Variants in PSMA1 observed in about 807,000 individuals in gnomAD.
PSMA1 encodes proteasome 20S subunit alpha 1.
Under a neutral mutation model 38.4 loss-of-function variants are expected in PSMA1, and 3 were observed. The ratio of observed to expected loss-of-function variants is 0.08; its 90% CI spans 0.04 to 0.20. The LOEUF (loss-of-function observed/expected upper bound fraction) is 0.20. PSMA1 is among the 10% of genes least tolerant of loss of function. PSMA1 has a pLI of 1.00. For missense variants in PSMA1, 227 were observed against 325.3 expected, an observed-to-expected ratio of 0.70 and a Z score of 2.32; for synonymous variants, 101 against 107.1, an observed-to-expected ratio of 0.94 and a Z score of 0.35.
chr11:14,579,073 T>G (rs1852252309), intron 2 of PSMA1, among the ~76,000 whole-genome samples: 1 of 152,238 alleles, frequency 6.6e-6, no homozygotes, highest in Admixed American at 6.5e-5. Context: ...CTTTGGAAAC[T>G]GTCTCCTCTC....
At chr11:14,556,469 T>A (rs1048718888) in intron 2 of PSMA1, among the ~76,000 whole-genome samples, 3 of 152,198 alleles carry the variant, frequency 2.0e-5, no homozygotes, top group Admixed American at 2.0e-4. Context: ...TGTTTCATGA[T>A]GATACACCTT....
chr11:14,544,771 A>G (rs1851808430), intron 2 of PSMA1, among the ~76,000 whole-genome samples: 1 of 152,224 alleles, frequency 6.6e-6, no homozygotes, highest in Non-Finnish European at 1.5e-5. Context: ...ACAGTCACGC[A>G]GTTCTTCAAA....
chr11:14,586,009 T>C (rs894539869), intron 2 of PSMA1, among the ~76,000 whole-genome samples: 3 of 152,226 alleles, frequency 2.0e-5, no homozygotes, highest in African/African-American at 7.2e-5. Flanking sequence ...TTTACAATCT[T>C]GCCACCTGGA....
intron 1 of PSMA1, among the ~76,000 whole-genome samples, chr11:14,618,354 A>G (rs1852801404): frequency 6.6e-6 from 1 of 152,210 alleles, no homozygotes; most frequent in South Asian, 2.1e-4. Flanking sequence ...AGCCTGTCAA[A>G]TTGCCCTGAT....
At chr11:14,562,197 C>G (rs1476911721) in intron 2 of PSMA1, among the ~76,000 whole-genome samples, 3 of 152,324 alleles carry the variant, frequency 2.0e-5, no homozygotes, top group South Asian at 4.1e-4. Flanking sequence ...TCTCAGGGAG[C>G]AGGACCATGA....
intron 2 of PSMA1, among the ~76,000 whole-genome samples, chr11:14,600,617 G>A (rs554148944): frequency 1.4e-4 from 22 of 152,310 alleles, no homozygotes; most frequent in African/African-American, 4.3e-4. Context: ...GTATTTGAGC[G>A]GGAGTGTCCC....
intron 2 of PSMA1, among the ~76,000 whole-genome samples, chr11:14,550,278 A>G (rs1247155712): frequency 1.3e-5 from 2 of 152,236 alleles, no homozygotes; most frequent in Non-Finnish European, 2.9e-5. Flanking sequence ...TACTGAAGGA[A>G]ATCAAATCAA....
At chr11:14,567,703 T>G (rs1393480614) in intron 2 of PSMA1, among the ~76,000 whole-genome samples, 1 of 152,260 alleles carries the variant, frequency 6.6e-6, no homozygotes, top group Non-Finnish European at 1.5e-5. Context: ...AAGCAATGCC[T>G]TGCCTTCTTG....
At chr11:14,581,536 T>C (rs754664229) in intron 2 of PSMA1, among the ~76,000 whole-genome samples, 17 of 152,168 alleles carry the variant, frequency 1.1e-4, no homozygotes, top group Non-Finnish European at 2.1e-4. Context: ...CAGTAAGTGT[T>C]ATCTATGTTA....
intron 2 of PSMA1, among the ~76,000 whole-genome samples, chr11:14,551,774 T>G (rs558118197): frequency 6.6e-6 from 1 of 152,306 alleles, no homozygotes; most frequent in South Asian, 2.1e-4. Flanking sequence ...AGGAGGATCA[T>G]GAAAGTCTAC....
chr11:14,586,442 A>G, intron 2 of PSMA1, among the ~76,000 whole-genome samples: 1 of 152,120 alleles, frequency 6.6e-6, no homozygotes. Flanking sequence ...AAAAAAAAAA[A>G]GGAAATGCAG....
At chr11:14,568,820 T>C (rs1852103684) in intron 2 of PSMA1, among the ~76,000 whole-genome samples, 1 of 152,244 alleles carries the variant, frequency 6.6e-6, no homozygotes, top group Non-Finnish European at 1.5e-5. Context: ...TATAAGACTT[T>C]GCTTCTGCAA....
intron 2 of PSMA1, among the ~76,000 whole-genome samples, chr11:14,585,022 T>A (rs1169328686): frequency 6.6e-6 from 1 of 152,238 alleles, no homozygotes; most frequent in Non-Finnish European, 1.5e-5. Context: ...GGAAGGGTTA[T>A]AGAAGATATT....
chr11:14,567,656 G>A (rs914059056), intron 2 of PSMA1, among the ~76,000 whole-genome samples: 2 of 152,240 alleles, frequency 1.3e-5, no homozygotes, highest in African/African-American at 4.8e-5. Context: ...ACAAATGTGA[G>A]TTGTCTAACA....
At chr11:14,548,165 A>C (rs1431221581) in intron 2 of PSMA1, among the ~76,000 whole-genome samples, 1 of 152,154 alleles carries the variant, frequency 6.6e-6, no homozygotes, top group East Asian at 1.9e-4. Flanking sequence ...TAACATACCT[A>C]CTAAGTGCTA....
chr11:14,591,641 A>T (rs1363343892), intron 2 of PSMA1, among the ~76,000 whole-genome samples: 2 of 152,142 alleles, frequency 1.3e-5, no homozygotes, highest in Non-Finnish European at 2.9e-5. Flanking sequence ...GACACTCTGT[A>T]TCTAGCTGCT....
intron 1 of PSMA1, among the ~76,000 whole-genome samples, chr11:14,638,541 CTCTCTATATATATATATA>C (rs1450146874): frequency 3.1e-3 from 48 of 15,696 alleles, no homozygotes; most frequent in East Asian, 5.1e-3. Context: ...CTCTCTCTCT[CTCTCTATATATATATATA>C]TATATATATA....
At chr11:14,642,982 C>T (rs1853236876) in intron 1 of PSMA1, among the ~76,000 whole-genome samples, 2 of 152,096 alleles carry the variant, frequency 1.3e-5, no homozygotes, top group African/African-American at 4.8e-5. Context: ...GACAGCAAAT[C>T]TGTGCTGTGT....
intron 1 of PSMA1, among the ~76,000 whole-genome samples, chr11:14,611,953 G>A (rs1407650411): frequency 6.6e-6 from 1 of 152,212 alleles, no homozygotes; most frequent in African/African-American, 2.4e-5. Context: ...TGAGTTTGGA[G>A]TTGGAATAAA....
Sources: allele counts gnomAD v4.1 joint callset (sites outside exome capture counted in the v4.1 genomes callset), GRCh38; gene constraint gnomAD v4.1.1; transcripts MANE v1.5; gene names NCBI Gene and HGNC (gene_info 2026-07-23, HGNC 2026-07-21).